Variants in GNB5 observed in about 807,000 individuals in gnomAD.
The protein encoded by GNB5 is guanine nucleotide-binding protein subunit beta-5.
GNB5 carries 37 observed loss-of-function variants against 55.3 expected under a neutral mutation model. That is an observed-to-expected ratio of 0.67 (90% CI 0.51 to 0.88). The LOEUF (loss-of-function observed/expected upper bound fraction) is 0.88. GNB5 is among the 40% of genes least tolerant of loss of function. The probability of loss-of-function intolerance (pLI) is 0.00; values close to 1 mark genes in which losing one functional copy is unlikely to be tolerated. For missense variants in GNB5, 476 were observed against 515.3 expected (o/e 0.92, Z 0.74); for synonymous variants, 219 against 198.5 (o/e 1.10, Z -0.87).
At position 52,163,459 on chromosome 15, in the gene GNB5, G is replaced by A. The variant is rs59987655; in HGVS notation, c.239-9383C>T. Among the ~76,000 whole-genome samples the A allele has an allele frequency of 0.015, 2,244 of 152,334 alleles. 45 individuals carry two copies. Among genetic ancestry groups the A allele is most frequent in the African/African-American group, 0.053 (2,185 of 41,572 alleles). ...TAATTCCAGCCAGCCAGTGGTAGAC[G>A]TTGGAGACGGCCTGAGACGACCGAG... On this transcript the variant is annotated intron_variant, in intron 3 of 12. Coordinates refer to ENST00000261837, the MANE Select transcript of GNB5 (RefSeq NM_016194.4).
At chr15:52,168,584 C>T (rs1000941912) in intron 3 of GNB5, among the ~76,000 whole-genome samples, 1 of 152,168 alleles carries the variant, frequency 6.6e-6, no homozygotes, top group Admixed American at 6.5e-5. Context: ...ATTAAACTAC[C>T]ATTGACATTC....
chr15:52,150,416 C>A (rs565858516), intron 4 of GNB5, among the ~76,000 whole-genome samples: 86 of 152,276 alleles, frequency 5.6e-4, no homozygotes, highest in Non-Finnish European at 1.1e-3. Flanking sequence ...TCCAGGAACC[C>A]CCCTCCCCAT....
chr15:52,152,579 C>A (rs1217472258), intron 4 of GNB5, among the ~76,000 whole-genome samples: 1 of 151,948 alleles, frequency 6.6e-6, no homozygotes, highest in South Asian at 2.1e-4. Context: ...TCCGCCTCGG[C>A]CTCCCAAAGT....
At chr15:52,179,452 A>G (rs916378990) in intron 3 of GNB5, among the ~76,000 whole-genome samples, 3 of 150,892 alleles carry the variant, frequency 2.0e-5, no homozygotes, top group African/African-American at 7.3e-5. Flanking sequence ...TCCGCATGGG[A>G]GGGGCAAGAA....
At chr15:52,189,166 A>C (rs1346202263) in intron 1 of GNB5, among the ~76,000 whole-genome samples, 1 of 152,256 alleles carries the variant, frequency 6.6e-6, no homozygotes, top group East Asian at 1.9e-4. Context: ...TGCTGGTGGG[A>C]AGGTAAAGTG....
chr15:52,120,778 G>A lies in GNB5; in HGVS notation c.*1979C>T, dbSNP rs2033247648. On this transcript the variant is annotated 3_prime_UTR_variant, in exon 13 of 13. Coordinates refer to ENST00000261837, the MANE Select transcript of GNB5 (RefSeq NM_016194.4). ...CCTGGCAGGAGCTGGCCAGACACTG[G>A]GCCCATTTCCTGAGCCCCTGCCCAG... is the stretch of plus-strand genomic sequence containing the variant. The A allele has an allele frequency of 6.6e-6, 1 of 152,186 alleles. No homozygotes were observed. Among genetic ancestry groups the A allele is most frequent in the African/African-American group, 2.4e-5 (1 of 41,418 alleles). The allele number at this position is 152,186 out of a possible 1,614,324, so 9.4% of individuals were successfully genotyped here. A position where few individuals can be genotyped will look rare whatever the true frequency, so the allele number is the denominator to read the frequency against.
chr15:52,149,416 T>C, intron 5 of GNB5: 1 of 283,790 alleles, frequency 3.5e-6, no homozygotes, highest in Non-Finnish European at 6.6e-6. Flanking sequence ...AAGCCAGACT[T>C]GCAAGGGGAT....
intron 9 of GNB5, among the ~76,000 whole-genome samples, chr15:52,131,701 T>G (rs529818932): frequency 2.2e-4 from 34 of 152,344 alleles, no homozygotes; most frequent in Non-Finnish European, 4.4e-4. Flanking sequence ...ATCCCACATT[T>G]GAGGGCAAGA....
At chr15:52,147,036 G>C in intron 6 of GNB5, 1 of 171,598 alleles carries the variant, frequency 5.8e-6, no homozygotes, top group East Asian at 1.8e-4. Context: ...ACATTACCAA[G>C]TTGCTTTCCA....
In GNB5 at chr15:52,148,707, G is replaced by T. The variant is rs1242979047; in HGVS notation, c.418-1172C>A. On this transcript the variant is annotated intron_variant, in intron 5 of 12. Transcript: ENST00000261837. Reference sequence around the variant, plus strand: ...CTTCTTTTCTGTTATAATTACATGTGTTTTTGTGGGGAAACACAGGCCCCA... The same window carrying T: ...CTTCTTTTCTGTTATAATTACATGTTTTTTTGTGGGGAAACACAGGCCCCA... Among the ~76,000 whole-genome samples, 4 of 152,322 alleles carry T rather than the reference G, an allele frequency of 2.6e-5. No homozygotes were observed. In the East Asian group the frequency reaches 5.8e-4, roughly 22 times the overall value.
At chr15:52,122,903 C>T in intron 12 of GNB5, 135 bp from the exon 13 acceptor site, 1 of 698,388 alleles carries the variant, frequency 1.4e-6, no homozygotes, top group Non-Finnish European at 2.6e-6. Flanking sequence ...CACACACACA[C>T]ACAAACATAC....
At chr15:52,181,851 T>C (rs575792801) in intron 2 of GNB5, among the ~76,000 whole-genome samples, 1 of 151,676 alleles carries the variant, frequency 6.6e-6, no homozygotes, top group African/African-American at 2.4e-5. Flanking sequence ...GTATAAAAAA[T>C]ATATAAAATA....
chr15:52,117,102 A>ATATATATATTTTT lies in GNB5; in HGVS notation c.*5654_*5655insAAAAATATATATA. On this transcript the variant is annotated 3_prime_UTR_variant, in exon 13 of 13. Transcript: ENST00000261837. ...CCACGCCCAGCTAATATATATATAT[A>ATATATATATTTTT]TTTTTTTTTAGTACAGACAGGGTTT... 45 of 87,098 alleles carry ATATATATATTTTT rather than the reference A, an allele frequency of 5.2e-4. 5 individuals carry two copies. Among genetic ancestry groups the ATATATATATTTTT allele is most frequent in the African/African-American group, 2.4e-3 (39 of 16,416 alleles). 5.4% of individuals were successfully genotyped at this position (87,098 alleles called of 1,614,324 possible).
At chr15:52,152,799 T>G (rs1419155579) in intron 4 of GNB5, among the ~76,000 whole-genome samples, 3 of 152,100 alleles carry the variant, frequency 2.0e-5, no homozygotes, top group Non-Finnish European at 4.4e-5. Flanking sequence ...CCCAGCTGAT[T>G]CTGTATTTCT....
At chr15:52,138,335 A>G (rs2033773757) in intron 7 of GNB5, 1 of 182,402 alleles carries the variant, frequency 5.5e-6, no homozygotes, top group Non-Finnish European at 1.2e-5. Context: ...GTGAGCTGAG[A>G]TCACGCCACT....
In GNB5 at chr15:52,179,857, T is replaced by C; in HGVS notation, c.149A>G (p.Glu50Gly). Residue 50 changes from glutamate (E) to glycine (G), a missense_variant, in exon 3 of 13, where the codon GAG becomes GGG. Glu to Gly is a moderately conservative substitution (Grantham distance 98, BLOSUM62 -2). Transcript: ENST00000261837. Reference protein sequence around the residue: ...AEIMATEGLHENETLASLKSE... With the variant: ...AEIMATEGLHGNETLASLKSE... Reference sequence around the variant, plus strand: ...CTTCAGCGACGCCAGCGTCTCGTTCTCGTGCAGCCCCTCGGTTGCCATCTT... The same window carrying C: ...CTTCAGCGACGCCAGCGTCTCGTTCCCGTGCAGCCCCTCGGTTGCCATCTT... 6.4e-7 allele frequency: 1 copy of C among 1,551,046 alleles called. No homozygotes were observed. Among genetic ancestry groups the C allele is most frequent in the Non-Finnish European group, 8.7e-7 (1 of 1,149,886 alleles).
chr15:52,131,976 A>C (rs983916547), intron 9 of GNB5, among the ~76,000 whole-genome samples: 4 of 152,114 alleles, frequency 2.6e-5, no homozygotes, highest in African/African-American at 9.7e-5. Flanking sequence ...AGAACTCCTA[A>C]ATCCATGTGC....
chr15:52,139,760 C>T (rs2033808527), intron 7 of GNB5: 5 of 1,188,376 alleles, frequency 4.2e-6, no homozygotes, highest in Non-Finnish European at 5.4e-6. Flanking sequence ...CCAGCTGTGA[C>T]TTCCCTTTAT....
chr15:52,135,436 G>A (rs2033677895), intron 8 of GNB5, among the ~76,000 whole-genome samples, 177 bp downstream of exon 8: 1 of 152,144 alleles, frequency 6.6e-6, no homozygotes, highest in South Asian at 2.1e-4. Flanking sequence ...CCCCCGAGAG[G>A]GGCCTGGAGC....
Sources: allele counts gnomAD v4.1 joint callset (sites outside exome capture counted in the v4.1 genomes callset), GRCh38; gene constraint gnomAD v4.1.1; transcripts MANE v1.5; gene names NCBI Gene and HGNC (gene_info 2026-07-23, HGNC 2026-07-21).